Variants in SHANK2 observed in about 807,000 individuals in gnomAD.
SHANK2 encodes SH3 and multiple ankyrin repeat domains protein 2.
A neutral mutation model predicts 133.7 loss-of-function variants in SHANK2; 43 were observed. The ratio of observed to expected loss-of-function variants is 0.32; its 90% CI spans 0.25 to 0.41. The LOEUF is 0.41. SHANK2 is among the 10% of genes least tolerant of loss of function. SHANK2 has a pLI of 1.00. For missense variants in SHANK2, 1,994 were observed against 2,235.8 expected (o/e 0.89, Z 2.18); for synonymous variants, 1,017 against 952.8 (o/e 1.07, Z -1.24).
At chr11:71,062,492 C>T (rs1950999574) in intron 9 of SHANK2, among the ~76,000 whole-genome samples, 1 of 152,062 alleles carries the variant, frequency 6.6e-6, no homozygotes, top group East Asian at 1.9e-4. Flanking sequence ...TGAAAGCTGG[C>T]CCCTGGGGGT....
intron 2 of SHANK2, among the ~76,000 whole-genome samples, chr11:71,220,106 C>A (rs578223449): frequency 6.6e-6 from 1 of 152,136 alleles, no homozygotes; most frequent in East Asian, 1.9e-4. Context: ...ATGGCACATG[C>A]CTGTGGTCCC....
intron 17 of SHANK2, among the ~76,000 whole-genome samples, chr11:70,629,543 G>A (rs1277535107): frequency 1.3e-5 from 2 of 152,146 alleles, no homozygotes; most frequent in African/African-American, 4.8e-5. Flanking sequence ...GCCGCATGTG[G>A]TGGGAAGGGC....
In SHANK2 at chr11:70,914,672, T is replaced by TAAAATAAAAC. The variant is rs1357001146; in HGVS notation, c.1108-18106_1108-18105insGTTTTATTTT. Among the ~76,000 whole-genome samples, 395 of 132,240 alleles carry TAAAATAAAAC rather than the reference T, an allele frequency of 3.0e-3. 3 individuals carry two copies. The highest frequency in any genetic ancestry group is 5.1e-3 in the Non-Finnish European group (322 of 63,412). 86.8% of individuals were successfully genotyped at this position (132,240 alleles called of 152,430 possible). A position where few individuals can be genotyped will look rare whatever the true frequency, so the allele number is the denominator to read the frequency against. On this transcript the variant is annotated intron_variant, in intron 10 of 25. Coordinates refer to ENST00000601538, the MANE Select transcript of SHANK2 (RefSeq NM_012309.5). The stretch of plus-strand genomic sequence containing the variant: ...ACCCTACCTCTACAAAAAAAATAAA[T>TAAAATAAAAC]AAAATAAAATAAAATAAAATAAAAT...
intron 17 of SHANK2, among the ~76,000 whole-genome samples, chr11:70,504,284 A>G (rs1330172774): frequency 7.8e-6 from 1 of 128,832 alleles, no homozygotes; most frequent in Non-Finnish European, 1.7e-5. Flanking sequence ...CACAAATCCA[A>G]CATCCCTGTA....
chr11:71,107,001 G>C (rs533860597), intron 6 of SHANK2, among the ~76,000 whole-genome samples: 7 of 152,256 alleles, frequency 4.6e-5, no homozygotes, highest in Non-Finnish European at 1.0e-4. Flanking sequence ...TGTAGTCCCA[G>C]TTACTTGGAG....
In SHANK2 at chr11:70,593,036, G is replaced by A. The variant is rs145617917; in HGVS notation, c.2061+66792C>T. 5.9e-5 allele frequency among the ~76,000 whole-genome samples: 9 copies of A among 152,300 alleles called. No individual in the cohort carries two copies. The East Asian group carries it at 1.7e-3, about 29-fold the overall frequency. ...AGGGGTGGGTCCCAGCCCTGGCCTCGCATGAAAAACTTCCCACGTCTGTCT... is the reference window on the plus strand; with the variant it reads ...AGGGGTGGGTCCCAGCCCTGGCCTCACATGAAAAACTTCCCACGTCTGTCT... On this transcript the variant is annotated intron_variant, in intron 17 of 25. Transcript: ENST00000601538.
intron 8 of SHANK2, among the ~76,000 whole-genome samples, chr11:71,090,140 G>A (rs1951481057): frequency 6.8e-6 from 1 of 146,256 alleles, no homozygotes. Context: ...CATTCAGGGT[G>A]TATCAGCCAG....
intron 23 of SHANK2, 22 bp downstream of exon 23, chr11:70,490,254 G>A (rs781930403): frequency 8.2e-6 from 13 of 1,590,288 alleles, no homozygotes; most frequent in Non-Finnish European, 1.0e-5. Flanking sequence ...CAACTTCTGT[G>A]GGGGAGTGCC....
intron 17 of SHANK2, among the ~76,000 whole-genome samples, chr11:70,578,707 T>C (rs1554984785): frequency 6.6e-6 from 1 of 152,164 alleles, no homozygotes; most frequent in African/African-American, 2.4e-5. Context: ...AATCTGCTAA[T>C]TTACATGAAA....
At position 70,698,749 on chromosome 11, in the gene SHANK2, G is replaced by T; in HGVS notation, c.1792C>A (p.Arg598Ser). 1.4e-6 allele frequency: 1 copy of T among 718,590 alleles called. No individual in the cohort carries two copies. The highest frequency in any genetic ancestry group is 2.6e-6 in the Non-Finnish European group (1 of 385,088). 44.5% of individuals were successfully genotyped at this position (718,590 alleles called of 1,614,324 possible). Residue 598 changes from arginine (R) to serine (S), a missense_variant, in exon 15 of 26, where the codon CGC (arginine) becomes AGC (serine). Arg to Ser is a moderately radical substitution (Grantham distance 110, BLOSUM62 -1). Around this residue, in one of 5 missense-constraint regions of SHANK2, gnomAD observed 653 missense variants for 563.4 expected, o/e 1.16. Transcript: ENST00000601538. The stretch of plus-strand genomic sequence containing the variant: ...TAGTGCCTGAAAAGCTTCTTGCTGC[G>T]GTCAGCGCGGGTTTCTGTACAGAGA... Reference protein sequence around the residue: ...RDSQAETRADRSKKLFRHYTV... With the variant: ...RDSQAETRADSSKKLFRHYTV...
intron 2 of SHANK2, among the ~76,000 whole-genome samples, chr11:71,150,317 G>A (rs1230625687): frequency 1.1e-5 from 1 of 88,318 alleles, no homozygotes; most frequent in Non-Finnish European, 2.3e-5. Context: ...GGAGGGACAG[G>A]GAGGGACAGG....
intron 3 of SHANK2, among the ~76,000 whole-genome samples, chr11:71,135,030 T>C (rs377403608): frequency 6.6e-6 from 1 of 152,148 alleles, no homozygotes; most frequent in East Asian, 1.9e-4. Flanking sequence ...CGCCCACCTC[T>C]GCTGCCTCAC....
Position 71,149,625 on chromosome 11 carries a change from G to C in SHANK2, c.-12-2287C>G, listed in dbSNP as rs143865439. Among the ~76,000 whole-genome samples the C allele has an allele frequency of 4.6e-3, 703 of 151,622 alleles. 7 individuals are homozygous for C. The highest frequency in any genetic ancestry group is 0.016 in the African/African-American group (662 of 41,298). Reference sequence around the variant, plus strand: ...GGTAGAGAGGAGGGTAGTAGGAAAAGAAATTTCTCCTCTGCAGGGGGAGGG... The same window carrying C: ...GGTAGAGAGGAGGGTAGTAGGAAAACAAATTTCTCCTCTGCAGGGGGAGGG... On this transcript the variant is annotated intron_variant, in intron 2 of 25. Transcript: ENST00000601538.
chr11:70,532,910 C>T (rs778453179), intron 17 of SHANK2, among the ~76,000 whole-genome samples: 23 of 138,450 alleles, frequency 1.7e-4, no homozygotes, highest in African/African-American at 4.6e-4. Flanking sequence ...CCATACAGTG[C>T]GACACTCACA....
intron 11 of SHANK2, among the ~76,000 whole-genome samples, chr11:70,850,665 G>A (rs1434092955): frequency 1.3e-5 from 2 of 152,216 alleles, no homozygotes; most frequent in Non-Finnish European, 2.9e-5. Flanking sequence ...TGTGCCTGCA[G>A]CTCCCGTGGG....
intron 1 of SHANK2, among the ~76,000 whole-genome samples, chr11:71,251,516 G>A (rs1191825235): frequency 6.6e-6 from 1 of 151,768 alleles, no homozygotes; most frequent in Non-Finnish European, 1.5e-5. Flanking sequence ...GCCACCCGGT[G>A]GAGGCGCCTG....
At chr11:70,789,700 G>A (rs1808088719) in intron 14 of SHANK2, among the ~76,000 whole-genome samples, 1 of 152,188 alleles carries the variant, frequency 6.6e-6, no homozygotes, top group Non-Finnish European at 1.5e-5. Context: ...AGTGAAGTAG[G>A]AGTTGAGAAT....
intron 14 of SHANK2, among the ~76,000 whole-genome samples, chr11:70,792,761 C>A (rs1422437638): frequency 6.6e-6 from 1 of 152,044 alleles, no homozygotes; most frequent in Non-Finnish European, 1.5e-5. Context: ...CTATGTATAT[C>A]CAAAGTCTTC....
intron 10 of SHANK2, among the ~76,000 whole-genome samples, chr11:70,909,639 C>A (rs570642123): frequency 1.3e-5 from 2 of 152,230 alleles, no homozygotes; most frequent in East Asian, 1.9e-4. Flanking sequence ...CCTGTCCATT[C>A]GATTCCAAAG....
Sources: allele counts gnomAD v4.1 joint callset (sites outside exome capture counted in the v4.1 genomes callset), GRCh38; gene constraint gnomAD v4.1.1; regional missense constraint gnomAD v4.1.1; transcripts MANE v1.5; gene names NCBI Gene and HGNC (gene_info 2026-07-23, HGNC 2026-07-21).